Variants in EPHA3 observed in about 807,000 individuals in gnomAD.
EPHA3 encodes ephrin type-A receptor 3.
EPHA3 carries 42 observed loss-of-function variants against 107.1 expected under a neutral mutation model. The ratio of observed to expected loss-of-function variants is 0.39; its 90% CI spans 0.31 to 0.51. EPHA3 has a LOEUF of 0.51. Among genes scored for constraint, EPHA3 ranks in the 20% least tolerant of loss-of-function variants. The pLI is 0.78. For synonymous variants in EPHA3, 461 were observed against 424.8 expected, an observed-to-expected ratio of 1.09 and a Z score of -1.05; for missense variants, 1,183 against 1,211.2, an observed-to-expected ratio of 0.98 and a Z score of 0.35.
intron 6 of EPHA3, 22 bp from the exon 7 acceptor site, chr3:89,399,296 A>AT (rs754067425): frequency 4.5e-4 from 703 of 1,566,000 alleles, no homozygotes; most frequent in Middle Eastern, 6.9e-4. Context: ...TTTAACATGA[A>AT]TTTTTTTTTC....
intron 9 of EPHA3, among the ~76,000 whole-genome samples, chr3:89,409,023 T>C (rs2107518106): frequency 6.6e-6 from 1 of 152,184 alleles, no homozygotes; most frequent in African/African-American, 2.4e-5. Context: ...GTAACTCAAG[T>C]AAAAAACTTG....
At chr3:89,346,247 G>A (rs1346226894) in intron 5 of EPHA3, among the ~76,000 whole-genome samples, 1 of 128,860 alleles carries the variant, frequency 7.8e-6, no homozygotes, top group African/African-American at 3.1e-5. Context: ...GTGTAAAAGT[G>A]TTCCTGTTTC....
chr3:89,442,946 A>C (rs1330184331), intron 13 of EPHA3, among the ~76,000 whole-genome samples: 1 of 152,218 alleles, frequency 6.6e-6, no homozygotes, highest in Non-Finnish European at 1.5e-5. Context: ...TCTAAATTTC[A>C]AACATAGCCA....
chr3:89,219,493 C>G (rs1559606139), intron 3 of EPHA3, among the ~76,000 whole-genome samples: 1 of 151,412 alleles, frequency 6.6e-6, no homozygotes, highest in Non-Finnish European at 1.5e-5. Context: ...GTCTGCTATA[C>G]CAAATGTCAA....
In EPHA3 at chr3:89,210,001, C is replaced by T; in HGVS notation, c.295C>T (p.Leu99Phe). 3 of 1,613,960 alleles carry T rather than the reference C, an allele frequency of 1.9e-6. No individual in the cohort carries two copies. Among genetic ancestry groups the T allele is most frequent in the Non-Finnish European group, 2.5e-6 (3 of 1,179,946 alleles). The change falls in exon 3 of 17, where the codon CTC (leucine) becomes TTC (phenylalanine). Residue 99 changes from leucine (L) to phenylalanine (F), a missense_variant. Physicochemically the swap from Leu to Phe is conservative, Grantham distance 22. Coordinates refer to ENST00000336596, the MANE Select transcript of EPHA3 (RefSeq NM_005233.6). ...CTCAGCTCAGAAGATTTATGTGGAG[C>T]TCAAGTTCACTCTACGAGACTGCAA... is the stretch of plus-strand genomic sequence containing the variant. The part of the protein sequence containing the change: ...RNSAQKIYVE[L>F]KFTLRDCNSI...
chr3:89,337,702 G>C (rs974446153), intron 3 of EPHA3, among the ~76,000 whole-genome samples: 2 of 152,152 alleles, frequency 1.3e-5, no homozygotes, highest in African/African-American at 4.8e-5. Flanking sequence ...CACACATACA[G>C]ATCAATGTGA....
In EPHA3 at chr3:89,407,921, T is replaced by A. The variant is rs190971081; in HGVS notation, c.1698-146T>A. On this transcript the variant is annotated intron_variant, in intron 8 of 16. Coordinates refer to ENST00000336596, the MANE Select transcript of EPHA3 (RefSeq NM_005233.6). ...GAGAGGGGCTTTCTTCAGAGGATTT[T>A]GAAAATATGAAGTTATTAAACTTTC... 52 of 815,720 alleles carry A rather than the reference T, an allele frequency of 6.4e-5. No homozygotes were observed. In the African/African-American group the frequency reaches 8.5e-4, roughly 13 times the overall value. The allele number at this position is 815,720 out of a possible 1,614,324, so 50.5% of individuals were successfully genotyped here.
chr3:89,396,168 C>T (rs967428860), intron 6 of EPHA3, among the ~76,000 whole-genome samples: 11 of 152,166 alleles, frequency 7.2e-5, no homozygotes, highest in Admixed American at 1.3e-4. Context: ...CAATAAACAA[C>T]ATCAAAGATG....
chr3:89,437,976 A>G lies in EPHA3; in HGVS notation c.2346+6617A>G, dbSNP rs1384603667. ...GTTGCCTACTTAGTAAGTACTAACT[A>G]GATTTTGTTACAACATTTTATTTTA... On this transcript the variant is annotated intron_variant, in intron 13 of 16. Coordinates refer to ENST00000336596, the MANE Select transcript of EPHA3 (RefSeq NM_005233.6). Among the ~76,000 whole-genome samples, 15 of 152,218 alleles carry G rather than the reference A, an allele frequency of 9.9e-5. No individual in the cohort carries two copies. In the East Asian group the frequency reaches 2.7e-3, roughly 27 times the overall value.
chr3:89,429,035 T>A (rs1360273826), intron 11 of EPHA3, 71 bp from the exon 12 acceptor site: 8 of 1,013,508 alleles, frequency 7.9e-6, no homozygotes, highest in Non-Finnish European at 1.0e-5. Flanking sequence ...TAAATCCAAC[T>A]ATATTATATA....
chr3:89,453,817 G>T (rs1710043459), intron 15 of EPHA3, among the ~76,000 whole-genome samples: 1 of 151,998 alleles, frequency 6.6e-6, no homozygotes, highest in African/African-American at 2.4e-5. Flanking sequence ...CCATTAGATG[G>T]GAACTTCCCA....
intron 3 of EPHA3, among the ~76,000 whole-genome samples, chr3:89,288,327 C>A (rs555079490): frequency 2.5e-4 from 38 of 152,158 alleles, no homozygotes; most frequent in African/African-American, 8.7e-4. Flanking sequence ...ATGATTATAG[C>A]CTTAAACTGG....
At chr3:89,453,043 A>G (rs917205343) in intron 15 of EPHA3, among the ~76,000 whole-genome samples, 13 of 152,132 alleles carry the variant, frequency 8.5e-5, no homozygotes, top group Non-Finnish European at 1.6e-4. Context: ...TTATTCCATA[A>G]GGATAAATAT....
intron 1 of EPHA3, among the ~76,000 whole-genome samples, chr3:89,115,631 G>T (rs1707235704): frequency 6.6e-6 from 1 of 152,088 alleles, no homozygotes; most frequent in Non-Finnish European, 1.5e-5. Context: ...GAAAATAATT[G>T]CTCAGTGCTC....
chr3:89,387,926 T>C (rs1167854083), intron 5 of EPHA3, among the ~76,000 whole-genome samples: 3 of 152,284 alleles, frequency 2.0e-5, no homozygotes, highest in Middle Eastern at 3.4e-3. Context: ...GATTAAAATT[T>C]TGGAGTTTTA....
chr3:89,278,620 G>T (rs1390107054), intron 3 of EPHA3, among the ~76,000 whole-genome samples: 2 of 151,970 alleles, frequency 1.3e-5, no homozygotes, highest in Non-Finnish European at 2.9e-5. Flanking sequence ...TTTCTCTTCT[G>T]TATTTCTCAA....
At chr3:89,192,549 G>A (rs1705745366) in intron 2 of EPHA3, among the ~76,000 whole-genome samples, 1 of 151,894 alleles carries the variant, frequency 6.6e-6, no homozygotes, top group South Asian at 2.1e-4. Flanking sequence ...ATGACTGTAG[G>A]ATTTAGGAAT....
intron 5 of EPHA3, among the ~76,000 whole-genome samples, chr3:89,372,820 C>T (rs1356108604): frequency 6.6e-6 from 1 of 151,622 alleles, no homozygotes; most frequent in East Asian, 1.9e-4. Context: ...ATCTGACTCT[C>T]AAAGGAAGGT....
rs533256921 is a variant in EPHA3, at chr3:89,286,685, C to A, written c.815-54231C>A. ...CATTTACTGTAAAAGGAAAAGACTG[C>A]TAGTGTAACAGGTTTTAGGAAGATA... On this transcript the variant is annotated intron_variant, in intron 3 of 16. Coordinates refer to ENST00000336596, the MANE Select transcript of EPHA3 (RefSeq NM_005233.6). Among the ~76,000 whole-genome samples, 328 of 152,174 alleles carry A rather than the reference C, an allele frequency of 2.2e-3. 1 individual carries two copies. Among genetic ancestry groups the A allele is most frequent in the African/African-American group, 7.6e-3 (315 of 41,514 alleles).
Sources: gnomAD v4.1 joint callset for allele counts (sites outside exome capture counted in the v4.1 genomes callset) on GRCh38, gnomAD v4.1.1 for gene constraint, MANE v1.5 for transcripts, NCBI Gene and HGNC (gene_info 2026-07-23, HGNC 2026-07-21) for gene names.